CNTNAP4: variants seen among roughly 807,000 people sequenced by gnomAD.
CNTNAP4 encodes contactin-associated protein-like 4.
In CNTNAP4, 98 loss-of-function variants were observed where a neutral mutation model predicts 148.4. The ratio of observed to expected loss-of-function variants is 0.66; its 90% CI spans 0.56 to 0.78. The LOEUF is 0.78. Among genes scored for constraint, CNTNAP4 ranks in the 30% least tolerant of loss-of-function variants. The pLI, the probability that CNTNAP4 is intolerant of heterozygous loss-of-function variation, is 0.00. For synonymous variants in CNTNAP4, 730 were observed against 565.1 expected (o/e 1.29, Z -4.14); for missense variants, 1,935 against 1,565.6 (o/e 1.24, Z -3.98).
intron 3 of CNTNAP4, among the ~76,000 whole-genome samples, chr16:76,424,705 G>A (rs1191037797): frequency 6.6e-6 from 1 of 152,052 alleles, no homozygotes; most frequent in Non-Finnish European, 1.5e-5. Context: ...GTTGCGGTGA[G>A]CTGAGATTGT....
intron 1 of CNTNAP4, among the ~76,000 whole-genome samples, chr16:76,283,383 A>G (rs1958763436): frequency 6.6e-6 from 1 of 152,018 alleles, no homozygotes; most frequent in Non-Finnish European, 1.5e-5. Context: ...AGCACTCTTT[A>G]CAATAGCAAA....
At chr16:76,370,052 A>G (rs1463725108) in intron 3 of CNTNAP4, among the ~76,000 whole-genome samples, 1 of 152,122 alleles carries the variant, frequency 6.6e-6, no homozygotes, top group East Asian at 1.9e-4. Flanking sequence ...GTCTGGGTAC[A>G]CCTTTACCTA....
intron 2 of CNTNAP4, among the ~76,000 whole-genome samples, chr16:76,344,773 A>G (rs1299993160): frequency 6.6e-6 from 1 of 152,230 alleles, no homozygotes; most frequent in Non-Finnish European, 1.5e-5. Context: ...CCTCTGCTAG[A>G]TAAAGTCACC....
intron 15 of CNTNAP4, among the ~76,000 whole-genome samples, chr16:76,500,337 C>T (rs376588153): frequency 2.0e-5 from 3 of 152,316 alleles, no homozygotes; most frequent in East Asian, 3.9e-4. Context: ...AATAAGTACT[C>T]CTATGAGGTA....
chr16:76,355,823 A>G (rs192208912), intron 3 of CNTNAP4, among the ~76,000 whole-genome samples: 25 of 151,568 alleles, frequency 1.6e-4, no homozygotes, highest in African/African-American at 6.0e-4. Context: ...TCAAAAACAT[A>G]ATAGTCTTGC....
At chr16:76,394,266 G>A (rs1297328796) in intron 3 of CNTNAP4, among the ~76,000 whole-genome samples, 1 of 152,064 alleles carries the variant, frequency 6.6e-6, no homozygotes, top group Non-Finnish European at 1.5e-5. Context: ...TGTTTAAATG[G>A]GGTTTATTCT....
Position 76,316,490 on chromosome 16 carries a change from G to A in CNTNAP4, c.163G>A (p.Gly55Ser). Residue 55 changes from glycine (G) to serine (S), a missense_variant, in exon 2 of 24, where the codon GGT becomes AGT. Transcript: ENST00000611870. ...SSSSELSSSHGPGFARLNRRD... is the reference protein window; with the variant it reads ...SSSSELSSSHSPGFARLNRRD... ...TTCTTCCGAGCTCTCCAGCAGTCAT[G>A]GTCCTGGATTTGCAAGGCTGAATAG... is the stretch of plus-strand genomic sequence containing the variant. 1 of 1,613,810 alleles carries A rather than the reference G, an allele frequency of 6.2e-7. No homozygotes were observed. The highest frequency in any genetic ancestry group is 8.5e-7 in the Non-Finnish European group (1 of 1,179,752).
At chr16:76,345,613 A>G (rs937504556) in intron 2 of CNTNAP4, among the ~76,000 whole-genome samples, 5 of 152,122 alleles carry the variant, frequency 3.3e-5, no homozygotes, top group Admixed American at 6.5e-5. Context: ...GTGTTTGCTA[A>G]TTGGATCTTA....
intron 13 of CNTNAP4, among the ~76,000 whole-genome samples, chr16:76,492,291 G>T (rs2082251144): frequency 6.6e-6 from 1 of 151,826 alleles, no homozygotes; most frequent in Admixed American, 6.6e-5. Context: ...TATGTTAAGT[G>T]GTGGGTATGT....
intron 1 of CNTNAP4, among the ~76,000 whole-genome samples, chr16:76,279,335 A>G (rs1007754528): frequency 6.6e-6 from 1 of 152,214 alleles, no homozygotes; most frequent in African/African-American, 2.4e-5. Context: ...TTTAAAATAC[A>G]TTAATCTAAT....
intron 3 of CNTNAP4, among the ~76,000 whole-genome samples, chr16:76,376,385 G>C (rs537675060): frequency 6.6e-6 from 1 of 152,266 alleles, no homozygotes; most frequent in African/African-American, 2.4e-5. Context: ...CCATTCGAGA[G>C]CGTATGTGAT....
chr16:76,395,948 C>G (rs1373451418), intron 3 of CNTNAP4, among the ~76,000 whole-genome samples: 2 of 151,654 alleles, frequency 1.3e-5, no homozygotes, highest in Non-Finnish European at 2.9e-5. Context: ...AGGCTGGTCT[C>G]AAACTCCTGA....
intron 3 of CNTNAP4, among the ~76,000 whole-genome samples, chr16:76,411,611 G>A (rs2144919807): frequency 6.6e-6 from 1 of 151,014 alleles, no homozygotes; most frequent in South Asian, 2.1e-4. Context: ...TTCTCATAGT[G>A]TTCTTAATGA....
intron 2 of CNTNAP4, among the ~76,000 whole-genome samples, chr16:76,351,838 C>T (rs1467160247): frequency 1.3e-5 from 2 of 152,210 alleles, no homozygotes; most frequent in Non-Finnish European, 2.9e-5. Flanking sequence ...TTTTAACTCA[C>T]TAGAATCACA....
chr16:76,289,528 ATT>A (rs5817978), intron 1 of CNTNAP4, among the ~76,000 whole-genome samples: 14 of 141,926 alleles, frequency 9.9e-5, no homozygotes, highest in Admixed American at 2.1e-4. Context: ...TGCCTTTAGC[ATT>A]TTTTTTTTTT....
In CNTNAP4 at chr16:76,559,433, A is replaced by G. The variant is rs1354950499; in HGVS notation, c.*750A>G. On this transcript the variant is annotated 3_prime_UTR_variant, in exon 24 of 24. Transcript: ENST00000611870. The stretch of plus-strand genomic sequence containing the variant: ...AAAAAAGTTTTCCAATTAATTTGCT[A>G]CCATTGTTTGATGGTGACAGTACTT... Among the ~76,000 whole-genome samples, 2 of 152,090 alleles carry G rather than the reference A, an allele frequency of 1.3e-5. No individual in the cohort carries two copies. The highest frequency in any genetic ancestry group is 2.9e-5 in the Non-Finnish European group (2 of 68,022).
chr16:76,553,195 T>C (rs953489829), intron 21 of CNTNAP4, 88 bp from the exon 22 acceptor site: 23 of 684,322 alleles, frequency 3.4e-5, no homozygotes, highest in African/African-American at 2.2e-4. Flanking sequence ...TTTATTGCTA[T>C]TGCATTAGCT....
chr16:76,306,612 G>A (rs908656354), intron 1 of CNTNAP4, among the ~76,000 whole-genome samples: 6 of 152,200 alleles, frequency 3.9e-5, no homozygotes, highest in Non-Finnish European at 5.9e-5. Context: ...ATTCGCATAC[G>A]TCCAGTGACA....
At chr16:76,540,413 C>T (rs1199844866) in intron 20 of CNTNAP4, among the ~76,000 whole-genome samples, 1 of 151,618 alleles carries the variant, frequency 6.6e-6, no homozygotes, top group Non-Finnish European at 1.5e-5. Context: ...GATTCCTTAT[C>T]CAGTGGAGAA....
Sources: allele counts gnomAD v4.1 joint callset (sites outside exome capture counted in the v4.1 genomes callset), GRCh38; gene constraint gnomAD v4.1.1; transcripts MANE v1.5; gene names NCBI Gene and HGNC (gene_info 2026-07-23, HGNC 2026-07-21).